EPB41L5: variants seen among roughly 807,000 people sequenced by gnomAD.
EPB41L5 encodes erythrocyte membrane protein band 4.1 like 5, also known as band 4.1-like protein 5.
EPB41L5 carries 55 observed loss-of-function variants against 106.6 expected under a neutral mutation model. That is an observed-to-expected ratio of 0.52 (90% CI 0.42 to 0.65). The LOEUF (loss-of-function observed/expected upper bound fraction) is 0.65. Among genes scored for constraint, EPB41L5 ranks in the 30% least tolerant of loss-of-function variants. The pLI, the probability that EPB41L5 is intolerant of heterozygous loss-of-function variation, is 0.00. For missense variants in EPB41L5, 871 were observed against 882.1 expected (o/e 0.99, Z 0.16); for synonymous variants, 297 against 306.7 (o/e 0.97, Z 0.33).
At chr2:120,126,858 G>T (rs1244098117) in intron 16 of EPB41L5, among the ~76,000 whole-genome samples, 1 of 152,154 alleles carries the variant, frequency 6.6e-6, no homozygotes, top group East Asian at 1.9e-4. Flanking sequence ...TTACACATCA[G>T]TTTGGGGAGA....
At chr2:120,081,917 T>G (rs551836992) in intron 10 of EPB41L5, among the ~76,000 whole-genome samples, 110 of 152,288 alleles carry the variant, frequency 7.2e-4, no homozygotes, top group African/African-American at 1.9e-3. Context: ...GTTTGTCTGT[T>G]ATTGGTGTAT....
At chr2:120,098,668 C>A (rs943155043) in intron 14 of EPB41L5, among the ~76,000 whole-genome samples, 1 of 152,162 alleles carries the variant, frequency 6.6e-6, no homozygotes. Context: ...GCTTTGAACC[C>A]AGACAGTGAT....
intron 2 of EPB41L5, among the ~76,000 whole-genome samples, chr2:120,036,104 G>C (rs1679022141): frequency 1.3e-5 from 2 of 152,168 alleles, no homozygotes; most frequent in South Asian, 4.1e-4. Flanking sequence ...ACAGTGGGTG[G>C]AAGTGTCTTC....
At chr2:120,048,944 A>G (rs1680020606) in intron 3 of EPB41L5, among the ~76,000 whole-genome samples, 1 of 152,196 alleles carries the variant, frequency 6.6e-6, no homozygotes, top group African/African-American at 2.4e-5. Flanking sequence ...ATTCAGGAGC[A>G]GGTTGTTCAG....
Position 120,131,640 on chromosome 2 carries a change from G to T in EPB41L5, c.1524G>T (p.Lys508Asn). The T allele has an allele frequency of 6.2e-7, 1 of 1,613,462 alleles. No homozygotes were observed. Among genetic ancestry groups the T allele is most frequent in the Admixed American group, 1.7e-5 (1 of 59,970 alleles). The change falls in exon 18 of 25, where the codon AAG becomes AAT. Residue 508 changes from lysine (K) to asparagine (N), a missense_variant. Lys to Asn is a moderately conservative substitution (Grantham distance 94). Transcript: ENST00000263713. ...CAGCATTAAAAGACACCTCAGAGAAGCTCAAACAGCTTGAGATGGAGAACA... is the reference window on the plus strand; with the variant it reads ...CAGCATTAAAAGACACCTCAGAGAATCTCAAACAGCTTGAGATGGAGAACA... ...EYETLKDTSE[K>N]LKQLEMENSP...
At chr2:120,098,156 T>TGTGTG (rs146897019) in intron 14 of EPB41L5, among the ~76,000 whole-genome samples, 2 of 133,670 alleles carry the variant, frequency 1.5e-5, no homozygotes, top group African/African-American at 5.7e-5. Context: ...ATTGTTTGTT[T>TGTGTG]TGTGTGTGTG....
Position 120,145,397 on chromosome 2 carries a change from T to TC in EPB41L5, c.1729-827dup, listed in dbSNP as rs557775812. ...TGATTTGTACAACAACATGAGTGAATCTCAAAGACATCTCCATGCTGCTCT... is the reference window on the plus strand; with the variant it reads ...TGATTTGTACAACAACATGAGTGAATCCTCAAAGACATCTCCATGCTGCTCT... On this transcript the variant is annotated intron_variant, in intron 19 of 24. Transcript: ENST00000263713. Among the ~76,000 whole-genome samples the TC allele has an allele frequency of 5.9e-5, 9 of 152,290 alleles. No individual in the cohort carries two copies. The South Asian group carries it at 1.9e-3, about 32-fold the overall frequency.
intron 20 of EPB41L5, among the ~76,000 whole-genome samples, chr2:120,150,836 T>C (rs1686640220): frequency 6.6e-6 from 1 of 152,244 alleles, no homozygotes; most frequent in South Asian, 2.1e-4. Context: ...TTCTTAGTGA[T>C]CAGCCTTTTG....
At chr2:120,091,451 T>C (rs1385351240) in intron 12 of EPB41L5, 104 bp from the exon 13 acceptor site, 1 of 738,492 alleles carries the variant, frequency 1.4e-6, no homozygotes, top group Non-Finnish European at 2.3e-6. Flanking sequence ...CGATGAAGTT[T>C]AGGATGATTC....
At chr2:120,155,228 A>C (rs1686850927) in intron 20 of EPB41L5, among the ~76,000 whole-genome samples, 1 of 152,160 alleles carries the variant, frequency 6.6e-6, no homozygotes, top group Non-Finnish European at 1.5e-5. Context: ...TTATCTGAGA[A>C]TGTCTTAATT....
chr2:120,053,344 TAAAA>T (rs962750093), intron 3 of EPB41L5, among the ~76,000 whole-genome samples: 5 of 151,950 alleles, frequency 3.3e-5, no homozygotes, highest in African/African-American at 1.2e-4. Context: ...GTAGGCCACT[TAAAA>T]AAAAGACAAT....
At chr2:120,087,107 A>AT (rs1056579386) in intron 10 of EPB41L5, 64 bp from the exon 11 acceptor site, 13 of 1,044,360 alleles carry the variant, frequency 1.2e-5, no homozygotes, top group African/African-American at 1.6e-5. Context: ...AATAAAAACA[A>AT]TTTTTTTCAT....
intron 24 of EPB41L5, among the ~76,000 whole-genome samples, chr2:120,173,815 T>A (rs1368259227): frequency 6.6e-6 from 1 of 152,192 alleles, no homozygotes; most frequent in Non-Finnish European, 1.5e-5. Flanking sequence ...CCTGAGTAGC[T>A]GGGCTACAGG....
intron 3 of EPB41L5, among the ~76,000 whole-genome samples, chr2:120,063,212 C>T (rs887768353): frequency 6.6e-6 from 1 of 151,720 alleles, no homozygotes; most frequent in African/African-American, 2.4e-5. Context: ...TGTGGTGGCT[C>T]ACGCCTGTAG....
At chr2:120,142,590 ATAT>A (rs1460285569) in intron 18 of EPB41L5, among the ~76,000 whole-genome samples, 1 of 152,186 alleles carries the variant, frequency 6.6e-6, no homozygotes, top group Non-Finnish European at 1.5e-5. Flanking sequence ...ATTTTAGTAA[ATAT>A]TAGTAAATAG....
chr2:120,166,419 A>C (rs1374207967), intron 22 of EPB41L5, among the ~76,000 whole-genome samples: 2 of 150,446 alleles, frequency 1.3e-5, no homozygotes, highest in Non-Finnish European at 3.0e-5. Flanking sequence ...TGCTGTTAAC[A>C]TGCATCTAAA....
chr2:120,142,134 AC>A (rs1370696861), intron 18 of EPB41L5, among the ~76,000 whole-genome samples: 9 of 138,864 alleles, frequency 6.5e-5, no homozygotes, highest in South Asian at 2.3e-4. Context: ...AAAAAAAAAA[AC>A]AAGGTAAAAT....
At chr2:120,128,412 G>C (rs984450107) in intron 17 of EPB41L5, among the ~76,000 whole-genome samples, 3 of 152,124 alleles carry the variant, frequency 2.0e-5, no homozygotes, top group African/African-American at 7.2e-5. Context: ...GAATCTCACT[G>C]TAATGCATGT....
At chr2:120,082,758 TATTA>T (rs1309960302) in intron 10 of EPB41L5, among the ~76,000 whole-genome samples, 1 of 152,206 alleles carries the variant, frequency 6.6e-6, no homozygotes, top group Admixed American at 6.5e-5. Flanking sequence ...GTTGGTAGAC[TATTA>T]ATTATTGCCT....
Sources: gnomAD v4.1 joint callset for allele counts (sites outside exome capture counted in the v4.1 genomes callset) on GRCh38, gnomAD v4.1.1 for gene constraint, MANE v1.5 for transcripts, NCBI Gene and HGNC (gene_info 2026-07-23, HGNC 2026-07-21) for gene names.